Variants in RREB1 observed in about 807,000 individuals in gnomAD.
RREB1 encodes ras responsive element binding protein 1, also known as ras-responsive element-binding protein 1.
A neutral mutation model predicts 117.8 loss-of-function variants in RREB1; 27 were observed. That is an observed-to-expected ratio of 0.23 (90% confidence interval 0.17 to 0.32). The LOEUF (loss-of-function observed/expected upper bound fraction) is 0.32, where lower values mean the gene tolerates loss of function less well. RREB1 is among the 10% of genes least tolerant of loss of function. The probability of loss-of-function intolerance (pLI) is 1.00; values close to 1 mark genes in which losing one functional copy is unlikely to be tolerated. For synonymous variants in RREB1, 1,298 were observed against 1,026.7 expected, an observed-to-expected ratio of 1.26 and a Z score of -5.05; for missense variants, 2,577 against 2,378.2, an observed-to-expected ratio of 1.08 and a Z score of -1.74.
chr6:7,160,262 T>C (rs1273456017), intron 1 of RREB1, among the ~76,000 whole-genome samples: 1 of 152,106 alleles, frequency 6.6e-6, no homozygotes, highest in African/African-American at 2.4e-5. Context: ...TTGCCCAAGC[T>C]GGTCTCAAAC....
chr6:7,129,851 T>C (rs1433322410), intron 1 of RREB1, among the ~76,000 whole-genome samples: 1 of 152,218 alleles, frequency 6.6e-6, no homozygotes, highest in Non-Finnish European at 1.5e-5. Flanking sequence ...GGTGCTTGTT[T>C]ACGGAACTGA....
chr6:7,181,258 T>A lies in RREB1; in HGVS notation c.-43+12T>A. ...GTCAGAAAATGGAGGTAATCAGCAG[T>A]GTGGCGGGAGGGTTCTTCTTTCCCT... On this transcript the variant is annotated intron_variant, in intron 3 of 12. Coordinates refer to ENST00000379938, the MANE Select transcript of RREB1 (RefSeq NM_001003699.4). 1 of 399,052 alleles carries A rather than the reference T, an allele frequency of 2.5e-6. No homozygotes were observed. The allele number at this position is 399,052 out of a possible 1,614,324, so 24.7% of individuals were successfully genotyped here.
chr6:7,247,001 C>CCCGGCGGAAAAG lies in RREB1; in HGVS notation c.4553_4564dup (p.Pro1518_Lys1521dup), dbSNP rs1769115256. 2 of 1,602,780 alleles carry CCCGGCGGAAAAG rather than the reference C, an allele frequency of 1.2e-6. No individual in the cohort carries two copies. Among genetic ancestry groups the CCCGGCGGAAAAG allele is most frequent in the Admixed American group, 1.7e-5 (1 of 58,668 alleles). ...AGTCGGCCCCGGGTGCCGGGGAGGC[C>CCCGGCGGAAAAG]CCGGCGGAAAAGCTCGCGGAGGAGA... On this transcript the variant is annotated inframe_insertion, in exon 12 of 13. Transcript: ENST00000379938.
intron 6 of RREB1, among the ~76,000 whole-genome samples, chr6:7,194,223 T>A (rs186849420): frequency 6.6e-6 from 1 of 152,212 alleles, no homozygotes; most frequent in African/African-American, 2.4e-5. Context: ...TTATGGTCAT[T>A]GTATTTTGGA....
At chr6:7,142,928 C>T (rs539397845) in intron 1 of RREB1, among the ~76,000 whole-genome samples, 110 of 152,224 alleles carry the variant, frequency 7.2e-4, no homozygotes, top group Non-Finnish European at 1.4e-3. Context: ...TCTGGTGGAG[C>T]ATGAACCAGT....
rs554538488 is a variant in RREB1 at position 7,211,218 on chromosome 6, C to G, written c.570+270C>G. Reference sequence around the variant, plus strand: ...CTGTTTTTTCTAGCTAAAGCGCAAGCTTCATAAGCATTCGGGACTCTTTTG... The same window carrying G: ...CTGTTTTTTCTAGCTAAAGCGCAAGGTTCATAAGCATTCGGGACTCTTTTG... On this transcript the variant is annotated intron_variant, in intron 7 of 12. Coordinates refer to ENST00000379938, the MANE Select transcript of RREB1 (RefSeq NM_001003699.4). 1.3e-4 allele frequency among the ~76,000 whole-genome samples: 19 copies of G among 148,264 alleles called. 1 individual carries two copies. The South Asian group carries it at 4.0e-3, about 31-fold the overall frequency.
At chr6:7,234,063 A>G (rs1406422599) in intron 10 of RREB1, among the ~76,000 whole-genome samples, 2 of 152,190 alleles carry the variant, frequency 1.3e-5, no homozygotes, top group Non-Finnish European at 2.9e-5. Context: ...GGACTCAAGG[A>G]GAACCAGGAT....
chr6:7,207,750 G>A (rs1766357088), intron 6 of RREB1, among the ~76,000 whole-genome samples: 2 of 152,136 alleles, frequency 1.3e-5, no homozygotes, highest in South Asian at 4.1e-4. Flanking sequence ...CTTGAGGGGG[G>A]CTGTTCACTT....
chr6:7,182,846 G>A (rs1764877915), intron 4 of RREB1, among the ~76,000 whole-genome samples: 1 of 152,212 alleles, frequency 6.6e-6, no homozygotes, highest in Non-Finnish European at 1.5e-5. Context: ...CTAATTTAAT[G>A]AGACTATACT....
intron 1 of RREB1, among the ~76,000 whole-genome samples, chr6:7,121,718 C>T (rs976546041): frequency 2.0e-5 from 3 of 152,058 alleles, no homozygotes; most frequent in Admixed American, 1.3e-4. Flanking sequence ...CTGACTTGCT[C>T]CCTACCCCCA....
chr6:7,192,468 C>A (rs1459470688), intron 6 of RREB1, among the ~76,000 whole-genome samples: 2 of 152,156 alleles, frequency 1.3e-5, no homozygotes, highest in Non-Finnish European at 2.9e-5. Context: ...GCTGGGATTA[C>A]AGGTGAGAGC....
chr6:7,177,191 T>TGAGGCAATAGA (rs1764539277), intron 2 of RREB1, among the ~76,000 whole-genome samples: 1 of 129,820 alleles, frequency 7.7e-6, no homozygotes, highest in South Asian at 2.3e-4. Context: ...TGCACTACAG[T>TGAGGCAATAGA]GTGGGCAATA....
intron 1 of RREB1, among the ~76,000 whole-genome samples, chr6:7,169,367 G>A (rs1764106184): frequency 6.6e-6 from 1 of 152,370 alleles, no homozygotes; most frequent in South Asian, 2.1e-4. Flanking sequence ...CCTTATTAGA[G>A]CATAGTCCAC....
intron 8 of RREB1, among the ~76,000 whole-genome samples, chr6:7,225,267 C>T (rs191904838): frequency 6.6e-6 from 1 of 152,282 alleles, no homozygotes; most frequent in Non-Finnish European, 1.5e-5. Flanking sequence ...GCTCGGTATA[C>T]AGCATTGTCC....
chr6:7,246,963 G>A lies in RREB1; in HGVS notation c.4513G>A (p.Ala1505Thr). 1 of 1,572,498 alleles carries A rather than the reference G, an allele frequency of 6.4e-7. No homozygotes were observed. Among genetic ancestry groups the A allele is most frequent in the Non-Finnish European group, 8.6e-7 (1 of 1,160,252 alleles). Residue 1505 changes from alanine (A) to threonine (T), a missense_variant, in exon 12 of 13, where the codon GCA (alanine) becomes ACA (threonine). Physicochemically the swap from Ala to Thr is moderately conservative, Grantham distance 58 (BLOSUM62 0). Coordinates refer to ENST00000379938, the MANE Select transcript of RREB1 (RefSeq NM_001003699.4). ...EQEEKPPETP[A>T]EVVESAPGAG... Reference sequence around the variant, plus strand: ...GGAGGAGAAGCCCCCCGAGACCCCGGCAGAGGTGGTGGAGTCGGCCCCGGG... The same window carrying A: ...GGAGGAGAAGCCCCCCGAGACCCCGACAGAGGTGGTGGAGTCGGCCCCGGG...
chr6:7,223,374 C>T (rs1315858113), intron 8 of RREB1, among the ~76,000 whole-genome samples: 7 of 151,718 alleles, frequency 4.6e-5, no homozygotes, highest in Admixed American at 1.3e-4. Context: ...CCAGCCTGGC[C>T]AACATGGAGA....
At position 7,187,537 on chromosome 6, in the gene RREB1, GTTCTT is replaced by G. The variant is rs752956417; in HGVS notation, c.261+17_261+21del. The G allele has an allele frequency of 1.2e-5, 13 of 1,084,394 alleles. No homozygotes were observed. Among genetic ancestry groups the G allele is most frequent in the African/African-American group, 1.2e-4 (7 of 60,254 alleles). The allele number at this position is 1,084,394 out of a possible 1,614,324, so 67.2% of individuals were successfully genotyped here. A position where few individuals can be genotyped will look rare whatever the true frequency, so the allele number is the denominator to read the frequency against. ...CACATTCGCCAGGTAGATTCCCACT[GTTCTT>G]TTATTTTATTTTATTTTATTTTATT... On this transcript the variant is annotated intron_variant, in intron 5 of 12. Coordinates refer to ENST00000379938, the MANE Select transcript of RREB1 (RefSeq NM_001003699.4).
At chr6:7,241,344 C>T (rs771250839) in intron 11 of RREB1, among the ~76,000 whole-genome samples, 2 of 152,178 alleles carry the variant, frequency 1.3e-5, no homozygotes, top group Non-Finnish European at 2.9e-5. Flanking sequence ...TCTCCATCCT[C>T]ACCCCCAAGA....
intron 3 of RREB1, chr6:7,181,534 G>A (rs1320038536): frequency 7.7e-6 from 4 of 518,122 alleles, no homozygotes; most frequent in Non-Finnish European, 1.3e-5. Context: ...GCTGCAGGGC[G>A]GCAGCTTTCT....
Sources: allele counts gnomAD v4.1 joint callset (sites outside exome capture counted in the v4.1 genomes callset), GRCh38; gene constraint gnomAD v4.1.1; transcripts MANE v1.5; gene names NCBI Gene and HGNC (gene_info 2026-07-23, HGNC 2026-07-21).